The following ZNF266 variants were observed in gnomAD, a reference collection of about 807,000 sequenced individuals.
The protein encoded by ZNF266 is zinc finger protein 1.
ZNF266 carries 16 observed loss-of-function variants against 16.4 expected under a neutral mutation model. The ratio of observed to expected loss-of-function variants is 0.98; its 90% CI spans 0.66 to 1.48. ZNF266 has a LOEUF of 1.48. ZNF266 is among the 40% of genes most tolerant of loss of function. The pLI is 0.00. For synonymous variants in ZNF266, 262 were observed against 237.9 expected (o/e 1.10, Z -0.93); for missense variants, 738 against 689.1 (o/e 1.07, Z -0.79).
intron 9 of ZNF266, among the ~76,000 whole-genome samples, chr19:9,416,355 TTTGTTTTTTG>T (rs1422863767): frequency 3.6e-5 from 1 of 27,722 alleles, no homozygotes; most frequent in African/African-American, 1.9e-4. Flanking sequence ...GGAGCTTGTT[TTTGTTTTTTG>T]TTTTTTTTTT....
At chr19:9,427,456 G>T (rs142883269) in intron 5 of ZNF266, among the ~76,000 whole-genome samples, 2,908 of 151,932 alleles carry the variant, frequency 0.019, 59 homozygotes, top group African/African-American at 0.045. Context: ...GAGTAGCTGG[G>T]ATTACAGGTG....
intron 5 of ZNF266, among the ~76,000 whole-genome samples, chr19:9,431,413 A>G (rs973854822): frequency 2.6e-5 from 4 of 152,204 alleles, no homozygotes; most frequent in African/African-American, 7.2e-5. Context: ...TGACACAGAC[A>G]ATGCGCATGC....
intron 5 of ZNF266, among the ~76,000 whole-genome samples, chr19:9,422,141 C>T (rs1368209164): frequency 7.1e-6 from 1 of 140,914 alleles, no homozygotes. Context: ...TGAGCCACTG[C>T]ACCTGGCCAC....
At chr19:9,427,773 A>G (rs960050495) in intron 5 of ZNF266, among the ~76,000 whole-genome samples, 1 of 152,068 alleles carries the variant, frequency 6.6e-6, no homozygotes, top group Non-Finnish European at 1.5e-5. Context: ...TCTTAACAAC[A>G]TCCACCTTCT....
rs559161867 is a variant in ZNF266 at position 9,435,501 on chromosome 19, G to A, written c.-775C>T. ...CCACCCGTCATCCGACCTCGCCAAA[G>A]CTGTATTAAGCCCAAACGCCACCAG... On this transcript the variant is annotated 5_prime_UTR_variant, in exon 1 of 11. Coordinates refer to ENST00000592904, the MANE Select transcript of ZNF266 (RefSeq NM_001370374.1). 2 of 152,420 alleles carry A rather than the reference G, an allele frequency of 1.3e-5. No individual in the cohort carries two copies. Among genetic ancestry groups the A allele is most frequent in the African/African-American group, 2.4e-5 (1 of 41,554 alleles). The allele number at this position is 152,420 out of a possible 1,614,324, so 9.4% of individuals were successfully genotyped here. A position where few individuals can be genotyped will look rare whatever the true frequency, so the allele number is the denominator to read the frequency against.
chr19:9,414,656 T>G lies in ZNF266; in HGVS notation c.470A>C (p.His157Pro), dbSNP rs767216543. 5.0e-6 allele frequency: 8 copies of G among 1,601,750 alleles called. No individual in the cohort carries two copies. The East Asian group carries it at 1.8e-4, about 36-fold the overall frequency. Reference sequence around the variant, plus strand: ...TCTCACATGTGTCTTAAGGCATGAGTGTTCACTGGAGACATCTCCACATTG... The same window carrying G: ...TCTCACATGTGTCTTAAGGCATGAGGGTTCACTGGAGACATCTCCACATTG... ...VKQCGDVSSEHSCLKTHVRTQ... is the reference protein window; with the variant it reads ...VKQCGDVSSEPSCLKTHVRTQ... Residue 157 changes from histidine to proline, a missense_variant, in exon 11 of 11, where the codon CAC becomes CCC. His to Pro is a moderately conservative substitution (Grantham distance 77). Coordinates refer to ENST00000592904, the MANE Select transcript of ZNF266 (RefSeq NM_001370374.1).
chr19:9,417,814 T>C lies in ZNF266; in HGVS notation c.316+14A>G, dbSNP rs369505703. On this transcript the variant is annotated intron_variant, in intron 9 of 10. Transcript: ENST00000592904. ...TGAACTTATTGACCAGGGCGGTCCT[T>C]TGTGAACACTCACCTTGGAAATCAC... The C allele has an allele frequency of 3.1e-6, 5 of 1,612,872 alleles. No homozygotes were observed. The African/African-American group carries it at 4.0e-5, about 13-fold the overall frequency.
At chr19:9,426,183 G>A (rs2070715808) in intron 5 of ZNF266, among the ~76,000 whole-genome samples, 1 of 152,130 alleles carries the variant, frequency 6.6e-6, no homozygotes, top group Non-Finnish European at 1.5e-5. Context: ...TAGAGAGAAA[G>A]GCGGCTGCCT....
chr19:9,419,681 C>T (rs1340088751), intron 6 of ZNF266: 1 of 152,158 alleles, frequency 6.6e-6, no homozygotes, highest in Non-Finnish European at 1.5e-5. Context: ...AGGCAGATCA[C>T]TTGAGGTTAG....
intron 5 of ZNF266, among the ~76,000 whole-genome samples, chr19:9,427,035 T>C (rs949085135): frequency 6.6e-6 from 1 of 152,232 alleles, no homozygotes; most frequent in Non-Finnish European, 1.5e-5. Context: ...ATATTTCACA[T>C]GGCCCAATGT....
Position 9,417,776 on chromosome 19 carries a change from C to A in ZNF266, c.316+52G>T, listed in dbSNP as rs1212583144. 4.7e-6 allele frequency: 7 copies of A among 1,479,266 alleles called. No individual in the cohort carries two copies. The South Asian group carries it at 6.9e-5, about 15-fold the overall frequency. The allele number at this position is 1,479,266 out of a possible 1,614,324, so 91.6% of individuals were successfully genotyped here. A position where few individuals can be genotyped will look rare whatever the true frequency, so the allele number is the denominator to read the frequency against. The stretch of plus-strand genomic sequence containing the variant: ...AAAAAAAAAAAGTTTCCTCATTATA[C>A]TTATAAACATACTGAACTTATTGAC... On this transcript the variant is annotated intron_variant, in intron 9 of 10. Coordinates refer to ENST00000592904, the MANE Select transcript of ZNF266 (RefSeq NM_001370374.1).
At chr19:9,431,414 A>G (rs2071570066) in intron 5 of ZNF266, among the ~76,000 whole-genome samples, 1 of 152,216 alleles carries the variant, frequency 6.6e-6, no homozygotes, top group Admixed American at 6.5e-5. Flanking sequence ...GACACAGACA[A>G]TGCGCATGCC....
intron 5 of ZNF266, among the ~76,000 whole-genome samples, chr19:9,425,036 C>G (rs1442773873): frequency 1.3e-5 from 2 of 152,310 alleles, no homozygotes; most frequent in Middle Eastern, 6.8e-3. Context: ...ACTTCCCCTG[C>G]CTGTGTAGCT....
Position 9,413,997 on chromosome 19 carries a change from G to A in ZNF266, c.1129C>T (p.Gln377Ter), listed in dbSNP as rs780087634. 4 of 1,614,126 alleles carry A rather than the reference G, an allele frequency of 2.5e-6. No homozygotes were observed. The highest frequency in any genetic ancestry group is 2.2e-5 in the South Asian group (2 of 91,082). Residue 377 changes from glutamine (Q) to a stop codon, truncating the protein, a stop_gained, in exon 11 of 11, where the codon CAA (glutamine) becomes TAA (stop). Transcript: ENST00000592904. LOFTEE classifies it low-confidence loss of function (END_TRUNC). ...TGAGTTTTTAAATGTTCAGTAAGTTGAGAAGATCTAGTGAAGGCTATCCCA... is the reference window on the plus strand; with the variant it reads ...TGAGTTTTTAAATGTTCAGTAAGTTAAGAAGATCTAGTGAAGGCTATCCCA... The part of the protein sequence containing the change: ...ECGIAFTRSS[Q>*]LTEHLKTHTA...
In ZNF266 at chr19:9,413,168, C is replaced by A; in HGVS notation, c.*107G>T. The A allele has an allele frequency of 7.2e-7, 1 of 1,382,108 alleles. No homozygotes were observed. The highest frequency in any genetic ancestry group is 9.8e-7 in the Non-Finnish European group (1 of 1,020,206). The allele number at this position is 1,382,108 out of a possible 1,614,324, so 85.6% of individuals were successfully genotyped here. A position where few individuals can be genotyped will look rare whatever the true frequency, so the allele number is the denominator to read the frequency against. On this transcript the variant is annotated 3_prime_UTR_variant, in exon 11 of 11. Transcript: ENST00000592904. ...TGAATTCATATGTGTTCATTAAGACCTGAGATACAAAGTTGCTTCCACATT... is the reference window on the plus strand; with the variant it reads ...TGAATTCATATGTGTTCATTAAGACATGAGATACAAAGTTGCTTCCACATT...
intron 10 of ZNF266, among the ~76,000 whole-genome samples, chr19:9,414,928 TG>T: frequency 6.6e-6 from 1 of 152,240 alleles, no homozygotes; most frequent in Admixed American, 6.5e-5. Context: ...CTCAAATGTC[TG>T]TAGAGTTTTA....
chr19:9,415,260 A>T (rs1013754167), intron 10 of ZNF266, among the ~76,000 whole-genome samples: 3 of 152,212 alleles, frequency 2.0e-5, no homozygotes, highest in Admixed American at 6.5e-5. Flanking sequence ...ATGCCACTGC[A>T]TTCCAGCCTG....
chr19:9,417,426 C>T (rs932238960), intron 9 of ZNF266, among the ~76,000 whole-genome samples: 37 of 151,730 alleles, frequency 2.4e-4, no homozygotes, highest in Admixed American at 2.3e-3. Flanking sequence ...TGAAGCACAT[C>T]TTAAAAAGTT....
chr19:9,424,313 A>G (rs1311672930), intron 5 of ZNF266, among the ~76,000 whole-genome samples: 1 of 152,188 alleles, frequency 6.6e-6, no homozygotes, highest in Non-Finnish European at 1.5e-5. Flanking sequence ...CTACTAGACA[A>G]TTGAGGCAAG....
Sources: gnomAD v4.1 joint callset for allele counts (sites outside exome capture counted in the v4.1 genomes callset) on GRCh38, gnomAD v4.1.1 for gene constraint, MANE v1.5 for transcripts, NCBI Gene and HGNC (gene_info 2026-07-23, HGNC 2026-07-21) for gene names.